BLOC1S5: variants seen among roughly 807,000 people sequenced by gnomAD.
The protein encoded by BLOC1S5 is biogenesis of lysosomal organelles complex 1 subunit 5.
In BLOC1S5, 27 loss-of-function variants were observed where a neutral mutation model predicts 24.3. The ratio of observed to expected loss-of-function variants is 1.11; its 90% confidence interval spans 0.82 to 1.53. The LOEUF (loss-of-function observed/expected upper bound fraction) is 1.53. Ranked by LOEUF, BLOC1S5 falls within the 40% of genes most tolerant of loss-of-function variation. The pLI is 0.00. For missense variants in BLOC1S5, 239 were observed against 229.4 expected, an observed-to-expected ratio of 1.04 and a Z score of -0.27; for synonymous variants, 84 against 74.5, an observed-to-expected ratio of 1.13 and a Z score of -0.66.
intron 3 of BLOC1S5, among the ~76,000 whole-genome samples, chr6:8,033,986 C>G (rs1254046840): frequency 6.6e-6 from 1 of 152,142 alleles, no homozygotes. Flanking sequence ...ACAACAGACG[C>G]TGGAAAGGAT....
At chr6:8,016,991 G>A (rs1246965038) in intron 4 of BLOC1S5, among the ~76,000 whole-genome samples, 1 of 150,472 alleles carries the variant, frequency 6.6e-6, no homozygotes, top group Non-Finnish European at 1.5e-5. Flanking sequence ...CCTTAATATT[G>A]CTATATAAGG....
intron 2 of BLOC1S5, among the ~76,000 whole-genome samples, chr6:8,052,978 CT>C (rs1176571304): frequency 1.3e-5 from 2 of 151,992 alleles, no homozygotes; most frequent in African/African-American, 4.8e-5. Flanking sequence ...TGAGGATCTG[CT>C]TCTTATGGAT....
chr6:8,035,106 G>A (rs28848622), intron 3 of BLOC1S5, among the ~76,000 whole-genome samples: 23,771 of 151,840 alleles, frequency 0.16, 1,929 homozygotes, highest in Admixed American at 0.19. Flanking sequence ...AAAACCAAAC[G>A]TCGTTATGTT....
chr6:8,031,952 T>C (rs903921334), intron 3 of BLOC1S5, among the ~76,000 whole-genome samples: 1 of 152,216 alleles, frequency 6.6e-6, no homozygotes, highest in African/African-American at 2.4e-5. Context: ...ATCTCTCACC[T>C]TATGTAAAAA....
rs1762668559 is a variant in BLOC1S5 at position 8,014,308 on chromosome 6, C to CT, written c.*1340dup. ...TTTTTTGTTGAGATGGAGTCTCACT[C>CT]TGTCACCCAAGCTGGAGTGCAGTGG... On this transcript the variant is annotated 3_prime_UTR_variant, in exon 5 of 5. Coordinates refer to ENST00000397457, the MANE Select transcript of BLOC1S5 (RefSeq NM_201280.3). 1.3e-5 allele frequency: 2 copies of CT among 152,026 alleles called. No homozygotes were observed. Among genetic ancestry groups the CT allele is most frequent in the Admixed American group, 1.3e-4 (2 of 15,260 alleles). 9.4% of individuals were successfully genotyped at this position (152,026 alleles called of 1,614,324 possible).
intron 3 of BLOC1S5, among the ~76,000 whole-genome samples, chr6:8,035,555 G>A (rs1370969194): frequency 6.6e-6 from 1 of 152,094 alleles, no homozygotes; most frequent in Non-Finnish European, 1.5e-5. Flanking sequence ...GATATTCCAT[G>A]CAACTGGAGA....
intron 3 of BLOC1S5, among the ~76,000 whole-genome samples, chr6:8,027,651 T>C (rs1280551873): frequency 6.6e-6 from 1 of 152,074 alleles, no homozygotes; most frequent in East Asian, 1.9e-4. Context: ...CTGACCAACA[T>C]GGTGAAACTC....
chr6:8,055,249 C>T (rs1301222233), intron 2 of BLOC1S5, among the ~76,000 whole-genome samples: 2 of 152,130 alleles, frequency 1.3e-5, no homozygotes, highest in Admixed American at 6.5e-5. Flanking sequence ...GCCTGGCCAA[C>T]GTGGTGAAAC....
chr6:8,060,069 T>A (rs1764462323), intron 2 of BLOC1S5, among the ~76,000 whole-genome samples: 1 of 152,204 alleles, frequency 6.6e-6, no homozygotes, highest in Admixed American at 6.5e-5. Context: ...TGGTAATTTA[T>A]TACATAGACT....
rs753798529 is a variant in BLOC1S5 at position 8,064,267 on chromosome 6, T to C, written c.110A>G (p.Lys37Arg). ...GTAGSAHLII[K>R]DLGEIHSRLL... Reference sequence around the variant, plus strand: ...ACTATAGCCCTGACACTCCGTACCCTTGATAATGAGGTGCGCTGAGCCCGC... The same window carrying C: ...ACTATAGCCCTGACACTCCGTACCCCTGATAATGAGGTGCGCTGAGCCCGC... The change falls in exon 1 of 5, where the codon AAG (lysine) becomes AGG (arginine). Residue 37 changes from lysine (K) to arginine (R), a missense_variant and splice_region_variant. Physicochemically the swap from Lys to Arg is conservative, Grantham distance 26. Coordinates refer to ENST00000397457, the MANE Select transcript of BLOC1S5 (RefSeq NM_201280.3). 3 of 1,612,874 alleles carry C rather than the reference T, an allele frequency of 1.9e-6. No individual in the cohort carries two copies. The highest frequency in any genetic ancestry group is 2.5e-6 in the Non-Finnish European group (3 of 1,179,374).
intron 2 of BLOC1S5, among the ~76,000 whole-genome samples, chr6:8,043,456 G>A (rs1309627675): frequency 6.6e-6 from 1 of 152,012 alleles, no homozygotes; most frequent in Admixed American, 6.6e-5. Flanking sequence ...CCCCAGTCTA[G>A]TCATGAGAAA....
At chr6:8,022,558 T>C (rs535575738) in intron 4 of BLOC1S5, among the ~76,000 whole-genome samples, 35 of 148,430 alleles carry the variant, frequency 2.4e-4, no homozygotes, top group Admixed American at 2.3e-3. Context: ...TTACTCTATT[T>C]TCAAACTCTA....
intron 2 of BLOC1S5, among the ~76,000 whole-genome samples, chr6:8,051,913 G>A (rs1352254676): frequency 6.6e-6 from 1 of 151,704 alleles, no homozygotes; most frequent in African/African-American, 2.4e-5. Context: ...GTTACCTGAT[G>A]GAGATAGACA....
At chr6:8,043,977 C>T (rs2113569478) in intron 2 of BLOC1S5, among the ~76,000 whole-genome samples, 1 of 152,212 alleles carries the variant, frequency 6.6e-6, no homozygotes, top group African/African-American at 2.4e-5. Flanking sequence ...TCTCTTGCTA[C>T]CACCATGTTA....
At chr6:8,026,756 A>C (rs1167374038) in intron 3 of BLOC1S5, among the ~76,000 whole-genome samples, 4 of 152,140 alleles carry the variant, frequency 2.6e-5, no homozygotes, top group African/African-American at 9.7e-5. Context: ...ACTTTCTACT[A>C]TTCTTGCCTG....
rs768542379 is a variant in BLOC1S5 at position 8,026,390 on chromosome 6, G to C, written c.361C>G (p.Gln121Glu). 6.2e-7 allele frequency: 1 copy of C among 1,612,974 alleles called. No homozygotes were observed. The highest frequency in any genetic ancestry group is 1.7e-5 in the Admixed American group (1 of 59,962). ...ACCTTTTTTCGTTCCTGTTCCCTCT[G>C]TTGGAGTCTACAGACTGAGTCATTA... is the stretch of plus-strand genomic sequence containing the variant. ...AANDSVCRLQ[Q>E]REQERKKIHS... The change falls in exon 4 of 5, where the codon CAG (glutamine) becomes GAG (glutamate). Residue 121 changes from glutamine to glutamate, a missense_variant. By Grantham distance (29) the Gln-to-Glu change is conservative. Transcript: ENST00000397457.
intron 3 of BLOC1S5, among the ~76,000 whole-genome samples, chr6:8,028,374 A>AC (rs1554137918): frequency 6.6e-6 from 1 of 152,010 alleles, no homozygotes; most frequent in East Asian, 1.9e-4. Context: ...TAAAAAAAAA[A>AC]AAACAGGAGT....
At chr6:8,053,070 G>A (rs1055297399) in intron 2 of BLOC1S5, among the ~76,000 whole-genome samples, 14 of 152,072 alleles carry the variant, frequency 9.2e-5, no homozygotes, top group Non-Finnish European at 1.8e-4. Context: ...TGGCCTCTAC[G>A]TGTTCAAGTA....
Position 8,015,728 on chromosome 6 carries a change from T to A in BLOC1S5, c.485A>T (p.Glu162Val). 6.2e-7 allele frequency: 1 copy of A among 1,614,184 alleles called. No homozygotes were observed. Among genetic ancestry groups the A allele is most frequent in the African/African-American group, 1.3e-5 (1 of 75,060 alleles). The change falls in exon 5 of 5, where the codon GAG becomes GTG. Residue 162 changes from glutamate (E) to valine (V), a missense_variant. Glu to Val is a moderately radical substitution (Grantham distance 121). Coordinates refer to ENST00000397457, the MANE Select transcript of BLOC1S5 (RefSeq NM_201280.3). ...AAGCCTTTCCATGGCTTTTCTGTGC[T>A]CTTCATCCACTTCAGCCCTTTTGTT... ...QPNKRAEVDE[E>V]HRKAMERLKE...
Sources: allele counts gnomAD v4.1 joint callset (sites outside exome capture counted in the v4.1 genomes callset), GRCh38; gene constraint gnomAD v4.1.1; transcripts MANE v1.5; gene names NCBI Gene and HGNC (gene_info 2026-07-23, HGNC 2026-07-21).